The following RASA1 variants were observed in gnomAD, a reference collection of about 807,000 sequenced individuals.
RASA1 encodes ras GTPase-activating protein 1.
In RASA1, 25 loss-of-function variants were observed where a neutral mutation model predicts 132.2. The ratio of observed to expected loss-of-function variants is 0.19; its 90% CI spans 0.14 to 0.26. RASA1 has a LOEUF of 0.26. Among genes scored for constraint, RASA1 ranks in the 10% least tolerant of loss-of-function variants. The pLI is 1.00. For missense variants in RASA1, 964 were observed against 1,299.2 expected, an observed-to-expected ratio of 0.74 and a Z score of 3.97; for synonymous variants, 477 against 449.9, an observed-to-expected ratio of 1.06 and a Z score of -0.76.
chr5:87,383,859 CTTT>C (rs370865130), intron 21 of RASA1, 79 bp downstream of exon 21: 655 of 893,764 alleles, frequency 7.3e-4, no homozygotes, highest in South Asian at 9.6e-4. Flanking sequence ...ACTCTTAAAT[CTTT>C]TTTTTTTTTT....
chr5:87,378,588 T>C (rs1761484094), intron 18 of RASA1, 50 bp downstream of exon 18: 2 of 1,517,634 alleles, frequency 1.3e-6, no homozygotes, highest in Non-Finnish European at 1.8e-6. Flanking sequence ...CATATTTTAA[T>C]AGGTAATAAT....
intron 20 of RASA1, among the ~76,000 whole-genome samples, chr5:87,382,024 T>A (rs1761752351): frequency 6.6e-6 from 1 of 152,140 alleles, no homozygotes; most frequent in Non-Finnish European, 1.5e-5. Context: ...TGATTTCGGC[T>A]TACTGCAACC....
chr5:87,383,783 A>G lies in RASA1; in HGVS notation c.2758+3A>G, dbSNP rs1283645711. On this transcript the variant is annotated splice_donor_region_variant and intron_variant, in intron 21 of 24. Transcript: ENST00000274376. ...ACGGATGTTCAATATCATCTCAGGT[A>G]ATCAGCTTTTGATACATTTTGAAAT... 1 of 1,607,228 alleles carries G rather than the reference A, an allele frequency of 6.2e-7. No homozygotes were observed. The highest frequency in any genetic ancestry group is 1.1e-5 in the South Asian group (1 of 90,426).
In RASA1 at chr5:87,391,850, C is replaced by CTGTA; in HGVS notation, c.*971_*974dup. On this transcript the variant is annotated 3_prime_UTR_variant, in exon 25 of 25. Transcript: ENST00000274376. Reference sequence around the variant, plus strand: ...TTCAACTGTATAGTTTTATTTACTTCTGTATGTGTATTTTTGTGAAGTATT... The same window carrying CTGTA: ...TTCAACTGTATAGTTTTATTTACTTCTGTATGTATGTGTATTTTTGTGAAGTATT... 4.3e-6 allele frequency: 1 copy of CTGTA among 231,866 alleles called. No individual in the cohort carries two copies. Among genetic ancestry groups the CTGTA allele is most frequent in the East Asian group, 6.2e-5 (1 of 16,018 alleles). 14.4% of individuals were successfully genotyped at this position (231,866 alleles called of 1,614,324 possible).
rs539622438 is a variant in RASA1, at chr5:87,373,347, AG to A, written c.1777-810del. ...AATCTAGAGATGATTTACGGCATAC[AG>A]GGGGGCATGCATAGATTTTATGCAG... On this transcript the variant is annotated intron_variant, in intron 13 of 24. Coordinates refer to ENST00000274376, the MANE Select transcript of RASA1 (RefSeq NM_002890.3). Among the ~76,000 whole-genome samples, 375 of 152,210 alleles carry A rather than the reference AG, an allele frequency of 2.5e-3. 3 individuals carry two copies. Among genetic ancestry groups the A allele is most frequent in the African/African-American group, 8.9e-3 (369 of 41,538 alleles).
At chr5:87,369,733 TGTGA>T in intron 11 of RASA1, 76 bp from the exon 12 acceptor site, 1 of 859,418 alleles carries the variant, frequency 1.2e-6, no homozygotes, top group Non-Finnish European at 1.9e-6. Context: ...AATTATTTAT[TGTGA>T]GTGTTTTGGA....
intron 17 of RASA1, 126 bp downstream of exon 17, chr5:87,377,166 TC>T: frequency 7.8e-7 from 1 of 1,286,876 alleles, no homozygotes; most frequent in South Asian, 1.3e-5. Flanking sequence ...TATTCTGTTT[TC>T]CCTCCTTAAA....
chr5:87,333,154 G>A (rs2112371065), intron 3 of RASA1, 113 bp from the exon 4 acceptor site: 2 of 1,441,370 alleles, frequency 1.4e-6, no homozygotes, highest in East Asian at 5.0e-5. Context: ...TTATTTGAAT[G>A]ATCCCATGGA....
intron 11 of RASA1, 138 bp downstream of exon 11, chr5:87,363,642 C>T (rs1356290995): frequency 2.1e-6 from 2 of 931,384 alleles, no homozygotes; most frequent in East Asian, 5.3e-5. Context: ...TTTTGCCTTC[C>T]TTGCTTAATT....
Position 87,274,508 on chromosome 5 carries a change from A to AT in RASA1, c.539+5524dup, listed in dbSNP as rs1215744487. On this transcript the variant is annotated intron_variant, in intron 1 of 24. Transcript: ENST00000274376. ...ACAATGATTGATGACCAGAACTCAT[A>AT]TTTTTTACTGTATTTGTATAAGTAG... Among the ~76,000 whole-genome samples, 4 of 152,180 alleles carry AT rather than the reference A, an allele frequency of 2.6e-5. No individual in the cohort carries two copies. In the South Asian group the frequency reaches 6.2e-4, roughly 24 times the overall value.
intron 19 of RASA1, among the ~76,000 whole-genome samples, chr5:87,380,307 G>A (rs990699030): frequency 6.6e-6 from 1 of 152,124 alleles, no homozygotes; most frequent in Non-Finnish European, 1.5e-5. Context: ...GAAGTTGACT[G>A]AATAAATTGA....
At position 87,389,547 on chromosome 5, in the gene RASA1, CATT is replaced by C; in HGVS notation, c.3060+22_3060+24del. On this transcript the variant is annotated intron_variant, in intron 24 of 24. Transcript: ENST00000274376. Reference sequence around the variant, plus strand: ...CAGCAGGTAGGCTTTCGCCAGCCTTCATTAACAATGATGTTTCAAAGATAACAC... The same window carrying C: ...CAGCAGGTAGGCTTTCGCCAGCCTTCAACAATGATGTTTCAAAGATAACAC... The C allele has an allele frequency of 1.2e-6, 2 of 1,612,700 alleles. No homozygotes were observed. The highest frequency in any genetic ancestry group is 1.7e-6 in the Non-Finnish European group (2 of 1,178,892).
chr5:87,371,160 G>C (rs1370187355), intron 12 of RASA1, among the ~76,000 whole-genome samples: 1 of 151,926 alleles, frequency 6.6e-6, no homozygotes, highest in Non-Finnish European at 1.5e-5. Context: ...AGCATGTTTT[G>C]CAAGCCTAAC....
intron 8 of RASA1, among the ~76,000 whole-genome samples, chr5:87,351,115 A>G (rs1759235858): frequency 6.6e-6 from 1 of 151,698 alleles, no homozygotes; most frequent in South Asian, 2.1e-4. Flanking sequence ...AAAGAGGGAT[A>G]GTAGTTATGT....
intron 1 of RASA1, among the ~76,000 whole-genome samples, chr5:87,270,464 C>T (rs1753776991): frequency 1.3e-5 from 2 of 150,110 alleles, no homozygotes; most frequent in Non-Finnish European, 1.5e-5. Context: ...TCTCCTGCTT[C>T]AGCCTCTCTA....
At chr5:87,312,004 A>G (rs1755954411) in intron 1 of RASA1, among the ~76,000 whole-genome samples, 1 of 152,244 alleles carries the variant, frequency 6.6e-6, no homozygotes, top group Non-Finnish European at 1.5e-5. Flanking sequence ...CTGGTGATAT[A>G]TAAGGAATGT....
At chr5:87,294,985 C>T (rs60531337) in intron 1 of RASA1, among the ~76,000 whole-genome samples, 3,771 of 152,246 alleles carry the variant, frequency 0.025, 111 homozygotes, top group African/African-American at 0.058. Context: ...TGTATTTCCT[C>T]TTGAAGTTCT....
At chr5:87,309,785 G>C (rs1391808795) in intron 1 of RASA1, among the ~76,000 whole-genome samples, 2 of 151,814 alleles carry the variant, frequency 1.3e-5, no homozygotes, top group Non-Finnish European at 2.9e-5. Flanking sequence ...AGTTTTTATA[G>C]TATTAAAAAA....
Position 87,374,194 on chromosome 5 carries a change from C to T in RASA1, c.1808C>T (p.Ala603Val). The change falls in exon 14 of 25, where the codon GCC (alanine) becomes GTC (valine). Residue 603 changes from alanine to valine, a missense_variant. Physicochemically the swap from Ala to Val is moderately conservative, Grantham distance 64. Coordinates refer to ENST00000274376, the MANE Select transcript of RASA1 (RefSeq NM_002890.3). ...VSSLVLHIEE[A>V]HKLPVKHFTN... ...AGCCTTGTTTTACATATTGAAGAAG[C>T]CCATAAACTCCCAGTAAAACATTTT... 1 of 1,566,784 alleles carries T rather than the reference C, an allele frequency of 6.4e-7. No homozygotes were observed. Among genetic ancestry groups the T allele is most frequent in the Non-Finnish European group, 8.7e-7 (1 of 1,153,184 alleles).
Sources: gnomAD v4.1 joint callset for allele counts (sites outside exome capture counted in the v4.1 genomes callset) on GRCh38, gnomAD v4.1.1 for gene constraint, MANE v1.5 for transcripts, NCBI Gene and HGNC (gene_info 2026-07-23, HGNC 2026-07-21) for gene names.